The following SLC2A9 variants were observed in gnomAD, a reference collection of about 807,000 sequenced individuals.
SLC2A9 encodes the protein solute carrier family 2, facilitated glucose transporter member 9.
Under a neutral mutation model 50.6 loss-of-function variants are expected in SLC2A9, and 39 were observed. The ratio of observed to expected loss-of-function variants is 0.77; its 90% confidence interval spans 0.60 to 1.01. The LOEUF (loss-of-function observed/expected upper bound fraction) is 1.01, where lower values mean the gene tolerates loss of function less well. Ranked by LOEUF, SLC2A9 falls within the 50% of genes least tolerant of loss-of-function variation. SLC2A9 has a pLI of 0.00. For synonymous variants in SLC2A9, 324 were observed against 276.9 expected (o/e 1.17, Z -1.69); for missense variants, 686 against 677.6 (o/e 1.01, Z -0.14).
At chr4:9,940,584 A>C (rs1192925496) in intron 6 of SLC2A9, among the ~76,000 whole-genome samples, 1 of 152,220 alleles carries the variant, frequency 6.6e-6, no homozygotes, top group Non-Finnish European at 1.5e-5. Context: ...AAAAGCCTCT[A>C]TAAATCTCTA....
At chr4:9,836,262 G>A (rs955017406) in intron 10 of SLC2A9, among the ~76,000 whole-genome samples, 2 of 151,776 alleles carry the variant, frequency 1.3e-5, no homozygotes, top group East Asian at 1.9e-4. Context: ...ACTTATTCAT[G>A]TAACCAAACA....
intron 5 of SLC2A9, among the ~76,000 whole-genome samples, chr4:9,969,381 G>A (rs542424581): frequency 6.6e-6 from 1 of 152,022 alleles, no homozygotes; most frequent in Non-Finnish European, 1.5e-5. Flanking sequence ...TTTCAACTAT[G>A]GTAGTTTTAA....
intron 2 of SLC2A9, among the ~76,000 whole-genome samples, chr4:10,000,519 C>T (rs972907934): frequency 6.6e-6 from 1 of 152,202 alleles, no homozygotes; most frequent in Admixed American, 6.5e-5. Flanking sequence ...CAGGTGCCAT[C>T]TGGTTGCTTC....
At chr4:9,799,697 C>CCCCT (rs1553813250) in intron 3 of SLC2A9, among the ~76,000 whole-genome samples, 1 of 67,046 alleles carries the variant, frequency 1.5e-5, no homozygotes, top group African/African-American at 5.0e-5. Context: ...ATTGTACCCC[C>CCCCT]CCCCCACCCA....
At position 9,996,870 on chromosome 4, in the gene SLC2A9, A is replaced by G; in HGVS notation, c.321T>C (p.Thr107=). 6.2e-7 allele frequency: 1 copy of G among 1,614,138 alleles called. No homozygotes were observed. Residue 107 remains threonine, a synonymous_variant, in exon 3 of 12, where the codon ACT becomes ACC. Transcript: ENST00000264784. ...HGRPIDPDTL[T]LLWSVTVSIF... is the part of the protein sequence containing the mutation. ...TGGACACAGTCACAGACCAGAGCAAAGTCAGAGTGTCTGGGTCTATTGGAC... is the reference window on the plus strand; with the variant it reads ...TGGACACAGTCACAGACCAGAGCAAGGTCAGAGTGTCTGGGTCTATTGGAC...
At chr4:9,855,032 C>A (rs187165575) in intron 10 of SLC2A9, among the ~76,000 whole-genome samples, 1 of 152,102 alleles carries the variant, frequency 6.6e-6, no homozygotes, top group Non-Finnish European at 1.5e-5. Context: ...TGGAAACATC[C>A]CCCTTGAGAA....
chr4:9,835,140 T>C, intron 10 of SLC2A9, 132 bp from the exon 11 acceptor site: 1 of 1,280,334 alleles, frequency 7.8e-7, no homozygotes, highest in Non-Finnish European at 1.1e-6. Flanking sequence ...GGGCCCCAGT[T>C]CCTGAGTCGC....
At chr4:9,803,960 C>G (rs1721800598) in intron 3 of SLC2A9, among the ~76,000 whole-genome samples, 1 of 152,138 alleles carries the variant, frequency 6.6e-6, no homozygotes, top group African/African-American at 2.4e-5. Flanking sequence ...AAGGTTATAT[C>G]TATTCATTTC....
chr4:9,875,976 T>C (rs1338245210), intron 10 of SLC2A9, among the ~76,000 whole-genome samples: 1 of 152,204 alleles, frequency 6.6e-6, no homozygotes, highest in Non-Finnish European at 1.5e-5. Flanking sequence ...TGAATTTGCC[T>C]GTTTGGTTCT....
chr4:9,831,418 G>C (rs6449026), intron 11 of SLC2A9, among the ~76,000 whole-genome samples: 23,086 of 152,138 alleles, frequency 0.15, 2,294 homozygotes, highest in African/African-American at 0.28. Flanking sequence ...TTGTGCTTTG[G>C]TCAAGGGTAG....
Position 9,826,415 on chromosome 4 carries a change from C to T in SLC2A9, c.1605G>A (p.Lys535=). Residue 535 remains lysine, a synonymous_variant, in exon 12 of 12, where the codon AAG becomes AAA. Coordinates refer to ENST00000264784, the MANE Select transcript of SLC2A9 (RefSeq NM_020041.3). The part of the protein sequence containing the change: ...EKIDSAVTDG[K]INGRP ...AAACTTGTTAAGGCCTTCCATTTAT[C>T]TTACCATCAGTGACAGCTGAGTCGA... 6.2e-7 allele frequency: 1 copy of T among 1,614,078 alleles called. No homozygotes were observed. The highest frequency in any genetic ancestry group is 1.3e-5 in the African/African-American group (1 of 75,040).
chr4:10,026,754 C>G (rs1242743569), intron 1 of SLC2A9, among the ~76,000 whole-genome samples: 1 of 152,172 alleles, frequency 6.6e-6, no homozygotes, highest in Non-Finnish European at 1.5e-5. Context: ...TGAAAGAACC[C>G]AGACACAGGC....
chr4:9,839,184 A>T (rs1727595266), intron 10 of SLC2A9, among the ~76,000 whole-genome samples: 1 of 152,138 alleles, frequency 6.6e-6, no homozygotes, highest in Non-Finnish European at 1.5e-5. Context: ...AAAGGACATG[A>T]ACACTTTTCA....
chr4:9,773,668 G>A (rs1175291305), intron 1 of SLC2A9, among the ~76,000 whole-genome samples: 2 of 152,238 alleles, frequency 1.3e-5, no homozygotes, highest in Non-Finnish European at 2.9e-5. Flanking sequence ...TGGATGAAAT[G>A]AGGCAGGAGT....
At chr4:9,861,779 C>A (rs1165181814) in intron 10 of SLC2A9, among the ~76,000 whole-genome samples, 2 of 152,034 alleles carry the variant, frequency 1.3e-5, no homozygotes, top group African/African-American at 4.8e-5. Context: ...ATCTTTGCAT[C>A]CCCTGGGTCT....
intron 8 of SLC2A9, among the ~76,000 whole-genome samples, chr4:9,904,531 C>T (rs1740274499): frequency 6.6e-6 from 1 of 152,204 alleles, no homozygotes; most frequent in Non-Finnish European, 1.5e-5. Context: ...ATTAGTCCCA[C>T]CTGCAACATT....
At chr4:9,931,958 CTCTCTATATATA>C (rs1553878903) in intron 6 of SLC2A9, among the ~76,000 whole-genome samples, 6 of 34,410 alleles carry the variant, frequency 1.7e-4, no homozygotes, top group Non-Finnish European at 2.9e-4. Context: ...CTCTCTCTCT[CTCTCTATATATA>C]TATATATATA....
chr4:9,895,766 A>C (rs917658638), intron 8 of SLC2A9, among the ~76,000 whole-genome samples: 1 of 152,200 alleles, frequency 6.6e-6, no homozygotes, highest in Non-Finnish European at 1.5e-5. Context: ...AAATGTATAT[A>C]CCTTATAACC....
chr4:9,834,068 G>A (rs1309970884), intron 11 of SLC2A9, among the ~76,000 whole-genome samples: 2 of 152,130 alleles, frequency 1.3e-5, no homozygotes, highest in African/African-American at 2.4e-5. Flanking sequence ...TTCTTACACA[G>A]GCCAAATATT....
Sources: gnomAD v4.1 joint callset for allele counts (sites outside exome capture counted in the v4.1 genomes callset) on GRCh38, gnomAD v4.1.1 for gene constraint, MANE v1.5 for transcripts, NCBI Gene and HGNC (gene_info 2026-07-23, HGNC 2026-07-21) for gene names.